Variants in USP47 observed in about 807,000 individuals in gnomAD.
USP47 encodes ubiquitin carboxyl-terminal hydrolase 47.
A neutral mutation model predicts 165.1 loss-of-function variants in USP47; 35 were observed. The ratio of observed to expected loss-of-function variants is 0.21; its 90% CI spans 0.16 to 0.28. The LOEUF (loss-of-function observed/expected upper bound fraction) is 0.28. Among genes scored for constraint, USP47 ranks in the 10% least tolerant of loss-of-function variants. The pLI, the probability that USP47 is intolerant of heterozygous loss-of-function variation, is 1.00. For synonymous variants in USP47, 531 were observed against 544.5 expected (o/e 0.98, Z 0.35); for missense variants, 1,277 against 1,607.4 (o/e 0.79, Z 3.52).
intron 2 of USP47, among the ~76,000 whole-genome samples, chr11:11,881,356 G>A (rs771483410): frequency 2.6e-5 from 4 of 152,102 alleles, no homozygotes; most frequent in Non-Finnish European, 4.4e-5. Flanking sequence ...CAGGAAATAA[G>A]CACTGCTGTC....
chr11:11,927,300 T>C (rs1854321375), intron 11 of USP47, among the ~76,000 whole-genome samples: 1 of 152,092 alleles, frequency 6.6e-6, no homozygotes, highest in South Asian at 2.1e-4. Flanking sequence ...TTTGTTGTTG[T>C]TTTGGTTTTT....
intron 5 of USP47, among the ~76,000 whole-genome samples, chr11:11,898,152 T>C (rs1232736096): frequency 7.0e-6 from 1 of 143,756 alleles, no homozygotes; most frequent in Non-Finnish European, 1.6e-5. Context: ...TGTGTGTGTG[T>C]TTCCTTCTAA....
At chr11:11,844,887 G>C (rs532595675) in intron 1 of USP47, among the ~76,000 whole-genome samples, 1 of 152,210 alleles carries the variant, frequency 6.6e-6, no homozygotes, top group South Asian at 2.1e-4. Context: ...TACCTTTAGA[G>C]GACTCTTGAA....
At chr11:11,867,136 A>G (rs1280971832) in intron 1 of USP47, among the ~76,000 whole-genome samples, 4 of 152,152 alleles carry the variant, frequency 2.6e-5, no homozygotes, top group African/African-American at 9.7e-5. Flanking sequence ...ACCTCAGGTG[A>G]TGCGCCCACC....
intron 1 of USP47, among the ~76,000 whole-genome samples, chr11:11,873,243 A>G (rs930606996): frequency 6.6e-6 from 1 of 152,208 alleles, no homozygotes; most frequent in Non-Finnish European, 1.5e-5. Context: ...GAAAAAGTGT[A>G]GAGTGATGTA....
At chr11:11,923,030 GT>G (rs1395863719) in intron 11 of USP47, 139 bp downstream of exon 11, 3 of 252,286 alleles carry the variant, frequency 1.2e-5, no homozygotes, top group Admixed American at 6.2e-5. Context: ...CTCAAATATA[GT>G]TTTTTTGTAC....
At chr11:11,904,047 A>C (rs1852391431) in intron 7 of USP47, among the ~76,000 whole-genome samples, 1 of 152,178 alleles carries the variant, frequency 6.6e-6, no homozygotes, top group Non-Finnish European at 1.5e-5. Flanking sequence ...CGGGTTATAA[A>C]ATCAGTTTAT....
chr11:11,871,212 G>A (rs1850016086), intron 1 of USP47, among the ~76,000 whole-genome samples: 1 of 151,986 alleles, frequency 6.6e-6, no homozygotes, highest in Non-Finnish European at 1.5e-5. Context: ...AAAAATTCTG[G>A]TTGGTGGGCA....
chr11:11,952,623 C>A, intron 24 of USP47, 118 bp from the exon 25 acceptor site: 1 of 1,207,426 alleles, frequency 8.3e-7, no homozygotes, highest in Non-Finnish European at 1.1e-6. Flanking sequence ...TTCTTGTGCC[C>A]ACTTTTTAAG....
At position 11,861,494 on chromosome 11, in the gene USP47, G is replaced by A. The variant is rs187253059; in HGVS notation, c.40-18683G>A. Among the ~76,000 whole-genome samples the A allele has an allele frequency of 2.0e-3, 301 of 152,262 alleles. 2 individuals carry two copies. Among genetic ancestry groups the A allele is most frequent in the African/African-American group, 6.9e-3 (288 of 41,546 alleles). ...TAGGTCAATCATAGTTAAATGGATT[G>A]TAAACTATTCTTTTAAAGTTCTGAA... On this transcript the variant is annotated intron_variant, in intron 1 of 27. Transcript: ENST00000527733.
intron 1 of USP47, among the ~76,000 whole-genome samples, chr11:11,843,481 G>A (rs1417876362): frequency 1.3e-5 from 2 of 152,204 alleles, no homozygotes; most frequent in African/African-American, 4.8e-5. Context: ...TACTAAGAAA[G>A]GGAACACTAG....
intron 1 of USP47, among the ~76,000 whole-genome samples, chr11:11,859,269 TA>T (rs1215814321): frequency 6.6e-6 from 1 of 152,180 alleles, no homozygotes; most frequent in Admixed American, 6.5e-5. Flanking sequence ...GTGATTTATA[TA>T]GGGAAAACTG....
intron 3 of USP47, among the ~76,000 whole-genome samples, chr11:11,888,239 G>A (rs184984053): frequency 1.3e-5 from 2 of 151,716 alleles, no homozygotes; most frequent in East Asian, 3.9e-4. Context: ...GAGATAGATA[G>A]AGACACGAAA....
At chr11:11,899,359 G>T (rs1344794434) in intron 5 of USP47, among the ~76,000 whole-genome samples, 2 of 152,164 alleles carry the variant, frequency 1.3e-5, no homozygotes, top group African/African-American at 4.8e-5. Flanking sequence ...GCATAGCCAG[G>T]GCTATTCATC....
chr11:11,948,629 T>G, intron 22 of USP47, 71 bp downstream of exon 22: 2 of 1,399,708 alleles, frequency 1.4e-6, no homozygotes, highest in Non-Finnish European at 2.0e-6. Context: ...TATATTTTAT[T>G]CATAGTCATT....
At chr11:11,892,504 CCT>C (rs1851596384) in intron 4 of USP47, among the ~76,000 whole-genome samples, 1 of 150,906 alleles carries the variant, frequency 6.6e-6, no homozygotes, top group South Asian at 2.1e-4. Context: ...ACCTCAGTCC[CCT>C]GAGTAGCTGG....
chr11:11,952,037 A>G (rs978304146), intron 24 of USP47: 2 of 152,228 alleles, frequency 1.3e-5, no homozygotes, highest in African/African-American at 4.8e-5. Context: ...AAGAAATGTC[A>G]TGTGATTAAA....
At chr11:11,923,009 A>G in intron 11 of USP47, 118 bp downstream of exon 11, 1 of 580,528 alleles carries the variant, frequency 1.7e-6, no homozygotes, top group South Asian at 3.1e-5. Flanking sequence ...AATTTTTGAA[A>G]GTTAAGACTT....
chr11:11,911,404 C>A (rs1852973665), intron 8 of USP47, among the ~76,000 whole-genome samples: 1 of 152,098 alleles, frequency 6.6e-6, no homozygotes, highest in Non-Finnish European at 1.5e-5. Context: ...ACCTACAGAT[C>A]TGAGTAGCTG....
Sources: allele counts gnomAD v4.1 joint callset (sites outside exome capture counted in the v4.1 genomes callset), GRCh38; gene constraint gnomAD v4.1.1; transcripts MANE v1.5; gene names NCBI Gene and HGNC (gene_info 2026-07-23, HGNC 2026-07-21).